Variants in SYCE3 observed in about 807,000 individuals in gnomAD.
SYCE3 encodes the protein synaptonemal complex central element protein 3.
SYCE3 carries 3 observed loss-of-function variants against 8.1 expected under a neutral mutation model. The ratio of observed to expected loss-of-function variants is 0.37; its 90% CI spans 0.17 to 0.96. The LOEUF is 0.96. Ranked by LOEUF, SYCE3 falls within the 40% of genes least tolerant of loss-of-function variation. SYCE3 has a pLI of 0.41. For missense variants in SYCE3, 83 were observed against 110.0 expected, an observed-to-expected ratio of 0.75 and a Z score of 1.10; for synonymous variants, 36 against 38.7, an observed-to-expected ratio of 0.93 and a Z score of 0.26.
At chr22:50,551,543 G>T in intron 2 of SYCE3, 141 bp from the exon 3 acceptor site, 1 of 855,366 alleles carries the variant, frequency 1.2e-6, no homozygotes, top group Non-Finnish European at 1.7e-6. Flanking sequence ...TCTAGGGAGA[G>T]ACAGCTGGTA....
intron 2 of SYCE3, 127 bp downstream of exon 2, chr22:50,556,170 C>A: frequency 1.6e-6 from 1 of 640,688 alleles, no homozygotes; most frequent in Non-Finnish European, 2.7e-6. Flanking sequence ...TGTACCCTGC[C>A]AACCTTGAAC....
At chr22:50,557,883 G>T (rs1464057398) in intron 1 of SYCE3, among the ~76,000 whole-genome samples, 1 of 152,100 alleles carries the variant, frequency 6.6e-6, no homozygotes, top group Non-Finnish European at 1.5e-5. Context: ...TTACTTCAGA[G>T]TTAAGGGCCT....
rs11912521 is a variant in SYCE3, at chr22:50,560,526, G to A, written c.-1+2332C>T. On this transcript the variant is annotated intron_variant, in intron 1 of 2. Transcript: ENST00000406915. ...GTGTCACTGGTCAACTCGGTGAGAC[G>A]TTTCAGGAGAGCCATAAAAGTAAAA... 9.4e-3 allele frequency among the ~76,000 whole-genome samples: 1,422 copies of A among 151,010 alleles called. 22 individuals carry two copies. The highest frequency in any genetic ancestry group is 0.034 in the African/African-American group (1,378 of 41,114).
At chr22:50,552,215 C>A (rs942381711) in intron 2 of SYCE3, among the ~76,000 whole-genome samples, 4 of 152,196 alleles carry the variant, frequency 2.6e-5, no homozygotes, top group African/African-American at 9.7e-5. Context: ...TTTGTGGAAT[C>A]CTCACAAGCA....
At chr22:50,558,815 C>T (rs1188356400) in intron 1 of SYCE3, among the ~76,000 whole-genome samples, 1 of 152,162 alleles carries the variant, frequency 6.6e-6, no homozygotes, top group African/African-American at 2.4e-5. Flanking sequence ...AGGCCTCACA[C>T]GTTTGTCTGT....
At chr22:50,551,666 G>A (rs1196047830) in intron 2 of SYCE3, among the ~76,000 whole-genome samples, 1 of 152,222 alleles carries the variant, frequency 6.6e-6, no homozygotes. Flanking sequence ...AAAAACTAGA[G>A]GCTGGTCTGA....
intron 1 of SYCE3, among the ~76,000 whole-genome samples, chr22:50,557,124 A>G (rs1341988872): frequency 2.7e-5 from 4 of 150,092 alleles, no homozygotes; most frequent in Admixed American, 1.3e-4. Flanking sequence ...CAACTTACAC[A>G]TCTTCTCGAC....
chr22:50,557,131 C>T (rs1053859263), intron 1 of SYCE3, among the ~76,000 whole-genome samples: 3 of 150,398 alleles, frequency 2.0e-5, no homozygotes, highest in Admixed American at 6.7e-5. Context: ...CACATCTTCT[C>T]GACAAATTTT....
intron 2 of SYCE3, among the ~76,000 whole-genome samples, chr22:50,554,567 GC>G (rs2069840376): frequency 6.6e-6 from 1 of 151,722 alleles, no homozygotes; most frequent in Non-Finnish European, 1.5e-5. Context: ...GGTGGCAGGC[GC>G]CTGTAATCCC....
chr22:50,553,911 C>T (rs954451054), intron 2 of SYCE3, among the ~76,000 whole-genome samples: 1 of 151,480 alleles, frequency 6.6e-6, no homozygotes, highest in African/African-American at 2.4e-5. Flanking sequence ...ATGCAATATG[C>T]GGCTGGGTGC....
chr22:50,555,685 C>T (rs2069853246), intron 2 of SYCE3, among the ~76,000 whole-genome samples: 1 of 152,072 alleles, frequency 6.6e-6, no homozygotes, highest in Non-Finnish European at 1.5e-5. Context: ...GTCTTTAGAC[C>T]ATAACTCTTT....
intron 2 of SYCE3, among the ~76,000 whole-genome samples, chr22:50,553,241 G>A (rs959249334): frequency 6.8e-6 from 1 of 146,058 alleles, no homozygotes; most frequent in African/African-American, 2.7e-5. Flanking sequence ...AAAGTGCTGG[G>A]ATTACAGGCC....
chr22:50,557,328 G>A (rs1343658991), intron 1 of SYCE3, among the ~76,000 whole-genome samples: 1 of 151,892 alleles, frequency 6.6e-6, no homozygotes, highest in Non-Finnish European at 1.5e-5. Context: ...GGCTAATTTT[G>A]TATTTTTAGT....
At chr22:50,557,592 G>A (rs1047162880) in intron 1 of SYCE3, among the ~76,000 whole-genome samples, 4 of 152,130 alleles carry the variant, frequency 2.6e-5, no homozygotes, top group Non-Finnish European at 5.9e-5. Context: ...CATATCCGTT[G>A]TTATTTAAAA....
At chr22:50,560,532 G>C (rs1466706482) in intron 1 of SYCE3, among the ~76,000 whole-genome samples, 1 of 149,528 alleles carries the variant, frequency 6.7e-6, no homozygotes, top group East Asian at 1.9e-4. Flanking sequence ...AGACGTTTCA[G>C]GAGAGCCATA....
chr22:50,560,512 C>T (rs1173499490), intron 1 of SYCE3, among the ~76,000 whole-genome samples: 2 of 151,736 alleles, frequency 1.3e-5, no homozygotes, highest in African/African-American at 4.8e-5. Flanking sequence ...TGTCACTGGT[C>T]AACTCGGTGA....
At chr22:50,555,515 T>C (rs1340665120) in intron 2 of SYCE3, among the ~76,000 whole-genome samples, 1 of 152,154 alleles carries the variant, frequency 6.6e-6, no homozygotes, top group Non-Finnish European at 1.5e-5. Context: ...AAAAGGTGAC[T>C]AGCATTAACA....
At chr22:50,558,421 A>G (rs2069881602) in intron 1 of SYCE3, among the ~76,000 whole-genome samples, 1 of 150,596 alleles carries the variant, frequency 6.6e-6, no homozygotes, top group African/African-American at 2.5e-5. Flanking sequence ...ACAAGAGCGA[A>G]ACTTCATCTC....
At chr22:50,561,503 G>A (rs1234710523) in intron 1 of SYCE3, among the ~76,000 whole-genome samples, 2 of 151,740 alleles carry the variant, frequency 1.3e-5, no homozygotes, top group Admixed American at 1.3e-4. Context: ...TAGGATGGGT[G>A]GCGGAAGTGT....
Sources: allele counts gnomAD v4.1 joint callset (sites outside exome capture counted in the v4.1 genomes callset), GRCh38; gene constraint gnomAD v4.1.1; transcripts MANE v1.5; gene names NCBI Gene and HGNC (gene_info 2026-07-23, HGNC 2026-07-21).